The following NKAIN3 variants were observed in gnomAD, a reference collection of about 807,000 sequenced individuals.
The protein encoded by NKAIN3 is sodium/potassium-transporting ATPase subunit beta-1-interacting protein 3.
In NKAIN3, 25 loss-of-function variants were observed where a neutral mutation model predicts 30.2. That is an observed-to-expected ratio of 0.83 (90% CI 0.60 to 1.16). The LOEUF (loss-of-function observed/expected upper bound fraction) is 1.16, where lower values mean the gene tolerates loss of function less well. Among genes scored for constraint, NKAIN3 ranks in the 50% most tolerant of loss-of-function variants. NKAIN3 has a pLI of 0.00. For synonymous variants in NKAIN3, 91 were observed against 89.6 expected (o/e 1.02, Z -0.09); for missense variants, 225 against 254.1 (o/e 0.89, Z 0.78).
intron 5 of NKAIN3, among the ~76,000 whole-genome samples, chr8:62,937,057 C>T (rs1370112114): frequency 6.6e-6 from 1 of 151,892 alleles, no homozygotes; most frequent in Non-Finnish European, 1.5e-5. Flanking sequence ...TTTTACATAT[C>T]ATGTGAGGTA....
chr8:62,270,707 T>A (rs558433173), intron 1 of NKAIN3, among the ~76,000 whole-genome samples: 1 of 152,282 alleles, frequency 6.6e-6, no homozygotes, highest in East Asian at 1.9e-4. Context: ...GACAATCATC[T>A]CCTCATTACT....
At chr8:62,740,070 T>G (rs1195612233) in intron 3 of NKAIN3, among the ~76,000 whole-genome samples, 1 of 152,194 alleles carries the variant, frequency 6.6e-6, no homozygotes, top group African/African-American at 2.4e-5. Flanking sequence ...TATTACAAGC[T>G]CCAAACACTT....
At chr8:62,675,081 A>G (rs910059180) in intron 3 of NKAIN3, among the ~76,000 whole-genome samples, 1 of 152,166 alleles carries the variant, frequency 6.6e-6, no homozygotes, top group Non-Finnish European at 1.5e-5. Context: ...TATATTTTTC[A>G]TGTTAATATT....
intron 3 of NKAIN3, among the ~76,000 whole-genome samples, chr8:62,690,011 A>C (rs1019918388): frequency 6.6e-6 from 1 of 152,142 alleles, no homozygotes; most frequent in African/African-American, 2.4e-5. Context: ...TGTTAAGGAA[A>C]GGAGGTAAGA....
intron 1 of NKAIN3, among the ~76,000 whole-genome samples, chr8:62,278,241 G>A (rs1366811956): frequency 6.6e-6 from 1 of 152,142 alleles, no homozygotes; most frequent in Non-Finnish European, 1.5e-5. Context: ...AAGGCAGTTA[G>A]TACCATAAGG....
At chr8:62,991,333 A>G (rs1824316017) in intron 5 of NKAIN3, among the ~76,000 whole-genome samples, 2 of 152,214 alleles carry the variant, frequency 1.3e-5, no homozygotes, top group African/African-American at 4.8e-5. Context: ...TGGGTATAAA[A>G]TCCCAGCAAA....
At chr8:62,472,880 G>C (rs1585846720) in intron 1 of NKAIN3, among the ~76,000 whole-genome samples, 1 of 152,188 alleles carries the variant, frequency 6.6e-6, no homozygotes, top group Non-Finnish European at 1.5e-5. Context: ...GATCCGCAGT[G>C]CAGGCAAGGT....
chr8:62,379,043 TG>T (rs1244028129), intron 1 of NKAIN3, among the ~76,000 whole-genome samples: 4 of 152,178 alleles, frequency 2.6e-5, no homozygotes, highest in Non-Finnish European at 5.9e-5. Context: ...CTCAAGGCTG[TG>T]GGAACCTACC....
intron 3 of NKAIN3, among the ~76,000 whole-genome samples, chr8:62,706,241 A>G (rs1168110408): frequency 3.3e-5 from 5 of 152,098 alleles, no homozygotes; most frequent in African/African-American, 9.7e-5. Flanking sequence ...TGTTGTCAGT[A>G]TGGTACATAC....
intron 3 of NKAIN3, among the ~76,000 whole-genome samples, chr8:62,617,259 A>T (rs556991388): frequency 1.3e-5 from 2 of 152,266 alleles, no homozygotes; most frequent in South Asian, 4.1e-4. Flanking sequence ...ACACACTCAG[A>T]TAAGGTCAAA....
chr8:62,831,792 T>G (rs1819205307), intron 4 of NKAIN3, among the ~76,000 whole-genome samples: 1 of 152,134 alleles, frequency 6.6e-6, no homozygotes, highest in Non-Finnish European at 1.5e-5. Flanking sequence ...GAAAACATAT[T>G]TGAGACAATA....
chr8:62,646,499 A>T (rs1344928801), intron 3 of NKAIN3, among the ~76,000 whole-genome samples: 1 of 152,158 alleles, frequency 6.6e-6, no homozygotes, highest in Non-Finnish European at 1.5e-5. Context: ...TGAACCTATA[A>T]TATCCTGTTC....
intron 5 of NKAIN3, among the ~76,000 whole-genome samples, chr8:62,925,943 C>T (rs1459442007): frequency 6.6e-6 from 1 of 152,180 alleles, no homozygotes; most frequent in Non-Finnish European, 1.5e-5. Context: ...CATCTCCCTA[C>T]TCCCTGCTTT....
At chr8:62,791,619 C>T (rs7815425) in intron 4 of NKAIN3, among the ~76,000 whole-genome samples, 29,543 of 151,880 alleles carry the variant, frequency 0.19, 3,300 homozygotes, top group African/African-American at 0.29. Context: ...CAACAAATTC[C>T]ACATATATCC....
chr8:62,879,208 C>A (rs1267537984), intron 4 of NKAIN3, among the ~76,000 whole-genome samples: 3 of 152,186 alleles, frequency 2.0e-5, no homozygotes, highest in African/African-American at 7.2e-5. Context: ...GCCATTCTAA[C>A]TGGTGTGAGA....
intron 4 of NKAIN3, among the ~76,000 whole-genome samples, chr8:62,798,368 G>A (rs1046368031): frequency 2.6e-5 from 4 of 152,060 alleles, no homozygotes; most frequent in African/African-American, 4.8e-5. Context: ...TCAGGAGATC[G>A]AGACCATCCT....
At chr8:62,477,600 G>C (rs939036853) in intron 1 of NKAIN3, among the ~76,000 whole-genome samples, 1 of 152,156 alleles carries the variant, frequency 6.6e-6, no homozygotes, top group Non-Finnish European at 1.5e-5. Context: ...AGTATTGCTA[G>C]GAGATGAGGA....
chr8:62,252,837 A>G (rs965621762), intron 1 of NKAIN3, among the ~76,000 whole-genome samples: 15 of 152,240 alleles, frequency 9.9e-5, no homozygotes, highest in Admixed American at 9.8e-4. Context: ...CATAAAAAGA[A>G]GCACTTGATC....
intron 5 of NKAIN3, among the ~76,000 whole-genome samples, chr8:62,923,206 GA>G (rs1822333768): frequency 6.6e-6 from 1 of 152,104 alleles, no homozygotes; most frequent in African/African-American, 2.4e-5. Flanking sequence ...GCTCAGGTGG[GA>G]GTATCACTTG....
Sources: gnomAD v4.1 joint callset for allele counts (sites outside exome capture counted in the v4.1 genomes callset) on GRCh38, gnomAD v4.1.1 for gene constraint, MANE v1.5 for transcripts, NCBI Gene and HGNC (gene_info 2026-07-23, HGNC 2026-07-21) for gene names.